EFHD1: variants seen among roughly 807,000 people sequenced by gnomAD.
EFHD1 encodes EF-hand domain-containing protein D1.
A neutral mutation model predicts 17.2 loss-of-function variants in EFHD1; 10 were observed. That is an observed-to-expected ratio of 0.58 (90% CI 0.36 to 0.99). The LOEUF (loss-of-function observed/expected upper bound fraction) is 0.99. Ranked by LOEUF, EFHD1 falls within the 50% of genes least tolerant of loss-of-function variation. The pLI, the probability that EFHD1 is intolerant of heterozygous loss-of-function variation, is 0.01. For synonymous variants in EFHD1, 153 were observed against 142.0 expected (o/e 1.08, Z -0.55); for missense variants, 310 against 327.5 (o/e 0.95, Z 0.41).
chr2:232,634,898 C>T (rs574621451), intron 1 of EFHD1, among the ~76,000 whole-genome samples: 14 of 152,328 alleles, frequency 9.2e-5, no homozygotes, highest in African/African-American at 3.1e-4. Context: ...CCTGGGGGAG[C>T]TGAGGCCGCC....
upstream of EFHD1, among the ~76,000 whole-genome samples, chr2:232,630,860 T>A (rs1694189155): frequency 6.6e-6 from 1 of 151,758 alleles, no homozygotes; most frequent in South Asian, 2.1e-4. Flanking sequence ...ATTATATTCA[T>A]AAATAAAAAG....
chr2:232,610,500 A>G (rs1478471096), intron 1 of EFHD1, among the ~76,000 whole-genome samples: 1 of 151,972 alleles, frequency 6.6e-6, no homozygotes, highest in African/African-American at 2.4e-5. Flanking sequence ...ACTTGAACCC[A>G]GGAGGCGGAG....
chr2:232,627,107 T>C (rs1006526225), intron 1 of EFHD1, among the ~76,000 whole-genome samples: 1 of 145,978 alleles, frequency 6.9e-6, no homozygotes, highest in African/African-American at 2.5e-5. Flanking sequence ...GGCACACACC[T>C]GTAGTCCCAG....
rs144911660 is a variant in EFHD1 at position 232,635,385 on chromosome 2, G to A, written c.302+1379G>A. Among the ~76,000 whole-genome samples the A allele has an allele frequency of 5.5e-3, 830 of 152,270 alleles. 12 individuals are homozygous for A. Among genetic ancestry groups the A allele is most frequent in the African/African-American group, 0.019 (794 of 41,550 alleles). The stretch of plus-strand genomic sequence containing the variant: ...TCTTGTGGCCACTCAGGCTTCTTTT[G>A]TTTTTCCTATAAAACAATCTTTGGA... On this transcript the variant is annotated intron_variant, in intron 1 of 3. Coordinates refer to ENST00000264059, the MANE Select transcript of EFHD1 (RefSeq NM_025202.4).
chr2:232,613,627 C>CATAT (rs745723680), intron 1 of EFHD1, among the ~76,000 whole-genome samples: 5 of 138,106 alleles, frequency 3.6e-5, no homozygotes, highest in Admixed American at 7.7e-5. Flanking sequence ...CACACACACA[C>CATAT]ACACATATAC....
chr2:232,614,354 T>C (rs1427281634), intron 1 of EFHD1, among the ~76,000 whole-genome samples: 1 of 152,138 alleles, frequency 6.6e-6, no homozygotes, highest in Non-Finnish European at 1.5e-5. Context: ...GCCCTCTGCC[T>C]TCTCTGAGAC....
At chr2:232,680,779 G>A (rs1316598520) in intron 3 of EFHD1, among the ~76,000 whole-genome samples, 2 of 151,974 alleles carry the variant, frequency 1.3e-5, no homozygotes, top group South Asian at 2.1e-4. Flanking sequence ...AAAGTGCTGG[G>A]ATTACAGGCT....
chr2:232,623,610 G>T (rs1335069526), intron 1 of EFHD1, among the ~76,000 whole-genome samples: 1 of 140,230 alleles, frequency 7.1e-6, no homozygotes, highest in Non-Finnish European at 1.5e-5. Context: ...AGAGGCAGAG[G>T]TTGTAAGTGA....
At chr2:232,640,046 G>A (rs1694400293) in intron 1 of EFHD1, among the ~76,000 whole-genome samples, 1 of 152,162 alleles carries the variant, frequency 6.6e-6, no homozygotes, top group Non-Finnish European at 1.5e-5. Context: ...TCCCCTGAGT[G>A]TTGGTGGCCA....
intron 1 of EFHD1, among the ~76,000 whole-genome samples, chr2:232,623,673 C>CA (rs756932393): frequency 0.014 from 1,192 of 86,458 alleles, 45 homozygotes; most frequent in African/African-American, 0.038. Context: ...AGTCTCTGTC[C>CA]AAAAAAAAAA....
rs1194396166 is a variant in EFHD1, at chr2:232,657,899, C to CTTTTTT, written c.303-4889_303-4884dup. On this transcript the variant is annotated intron_variant, in intron 1 of 3. Transcript: ENST00000264059. Reference sequence around the variant, plus strand: ...AGGACCTTGCATTTTTCTTTCTTTTCTTTTTTTTTTTTTTTTTTTGAGACT... The same window carrying CTTTTTT: ...AGGACCTTGCATTTTTCTTTCTTTTCTTTTTTTTTTTTTTTTTTTTTTTTTGAGACT... Among the ~76,000 whole-genome samples the CTTTTTT allele has an allele frequency of 2.3e-3, 234 of 100,646 alleles. 1 individual carries two copies. Among genetic ancestry groups the CTTTTTT allele is most frequent in the Middle Eastern group, 0.016 (2 of 122 alleles). 66.0% of individuals were successfully genotyped at this position (100,646 alleles called of 152,430 possible). A position where few individuals can be genotyped will look rare whatever the true frequency, so the allele number is the denominator to read the frequency against.
chr2:232,634,039 G>T, intron 1 of EFHD1, 33 bp downstream of exon 1: 1 of 1,595,098 alleles, frequency 6.3e-7, no homozygotes, highest in South Asian at 1.1e-5. Flanking sequence ...TCGCCCCCGG[G>T]ACCAGGGAGG....
chr2:232,650,277 C>T (rs1694619306), intron 1 of EFHD1: 1 of 148,270 alleles, frequency 6.7e-6, no homozygotes, highest in African/African-American at 2.5e-5. Context: ...TTTTTCTTTA[C>T]TGTTCTGGGT....
intron 2 of EFHD1, among the ~76,000 whole-genome samples, chr2:232,671,868 C>G (rs913213984): frequency 1.3e-5 from 2 of 152,070 alleles, no homozygotes; most frequent in African/African-American, 4.8e-5. Context: ...ACCAACCTGG[C>G]CAACATGGCA....
upstream of EFHD1, among the ~76,000 whole-genome samples, chr2:232,628,737 G>T (rs566609028): frequency 5.3e-5 from 8 of 152,264 alleles, no homozygotes; most frequent in African/African-American, 1.4e-4. Context: ...CGGGCAGGCA[G>T]ATTATAACAT....
At chr2:232,613,257 C>T (rs1378761955) in intron 1 of EFHD1, among the ~76,000 whole-genome samples, 8 of 151,882 alleles carry the variant, frequency 5.3e-5, no homozygotes, top group Admixed American at 5.3e-4. Flanking sequence ...AATCCTGTCT[C>T]TACTAAAAAT....
intron 3 of EFHD1, among the ~76,000 whole-genome samples, chr2:232,673,472 C>T (rs1356529235): frequency 6.6e-6 from 1 of 152,270 alleles, no homozygotes; most frequent in East Asian, 1.9e-4. Flanking sequence ...CTGCTTCAGC[C>T]TCATCCACCC....
intron 1 of EFHD1, among the ~76,000 whole-genome samples, chr2:232,610,438 G>T (rs1414005857): frequency 6.6e-6 from 1 of 152,230 alleles, no homozygotes; most frequent in Non-Finnish European, 1.5e-5. Context: ...CGCCAGGTGT[G>T]GTGGCACATG....
At chr2:232,652,002 C>T (rs1348753460) in intron 1 of EFHD1, among the ~76,000 whole-genome samples, 1 of 152,160 alleles carries the variant, frequency 6.6e-6, no homozygotes, top group African/African-American at 2.4e-5. Context: ...GGCTGGGGGT[C>T]CTCCTTGGGC....
Sources: gnomAD v4.1 joint callset for allele counts (sites outside exome capture counted in the v4.1 genomes callset) on GRCh38, gnomAD v4.1.1 for gene constraint, MANE v1.5 for transcripts, NCBI Gene and HGNC (gene_info 2026-07-23, HGNC 2026-07-21) for gene names.